Variants in BRINP3 observed in about 807,000 individuals in gnomAD.
BRINP3 encodes the protein BMP/retinoic acid inducible neural specific 3, also known as BMP/retinoic acid-inducible neural-specific protein 3.
A neutral mutation model predicts 71.0 loss-of-function variants in BRINP3; 19 were observed. That is an observed-to-expected ratio of 0.27 (90% CI 0.19 to 0.39). BRINP3 has a LOEUF of 0.39. BRINP3 is among the 10% of genes least tolerant of loss of function. The pLI is 1.00. For synonymous variants in BRINP3, 380 were observed against 337.7 expected, an observed-to-expected ratio of 1.13 and a Z score of -1.37; for missense variants, 959 against 940.8, an observed-to-expected ratio of 1.02 and a Z score of -0.25.
chr1:190,299,607 C>G (rs1283363723), intron 2 of BRINP3, among the ~76,000 whole-genome samples: 1 of 132,234 alleles, frequency 7.6e-6, no homozygotes. Flanking sequence ...CAACAGTCCC[C>G]AGAGTGTGAT....
At chr1:190,274,560 AC>A (rs1200824282) in intron 3 of BRINP3, among the ~76,000 whole-genome samples, 1 of 151,702 alleles carries the variant, frequency 6.6e-6, no homozygotes, top group Admixed American at 6.6e-5. Context: ...TGTAGGTTTT[AC>A]TTTTGATGTA....
chr1:190,448,056 T>A (rs1428190510), intron 2 of BRINP3, among the ~76,000 whole-genome samples: 1 of 151,758 alleles, frequency 6.6e-6, no homozygotes, highest in African/African-American at 2.4e-5. Flanking sequence ...TTTATGTTTT[T>A]AAATTTTTAT....
chr1:190,148,469 G>A (rs369683848), intron 7 of BRINP3, among the ~76,000 whole-genome samples: 2 of 151,778 alleles, frequency 1.3e-5, no homozygotes, highest in African/African-American at 2.4e-5. Context: ...GGTGGCGGGC[G>A]CCTGTAGTCC....
chr1:190,247,108 G>A (rs1659683248), intron 4 of BRINP3, among the ~76,000 whole-genome samples: 1 of 151,564 alleles, frequency 6.6e-6, no homozygotes, highest in Non-Finnish European at 1.5e-5. Flanking sequence ...TAATCCTATT[G>A]TTATGCTAAA....
intron 7 of BRINP3, among the ~76,000 whole-genome samples, chr1:190,107,957 C>T (rs1418059453): frequency 4.0e-5 from 6 of 151,658 alleles, no homozygotes; most frequent in African/African-American, 1.2e-4. Flanking sequence ...ACAATATGGC[C>T]TTCTAGACTC....
chr1:190,353,503 A>G (rs546930227), intron 2 of BRINP3, among the ~76,000 whole-genome samples: 18 of 152,066 alleles, frequency 1.2e-4, no homozygotes, highest in Non-Finnish European at 2.1e-4. Context: ...TTGAGGACTT[A>G]GTTAAAATTA....
chr1:190,244,476 T>C (rs1381992720), intron 4 of BRINP3, among the ~76,000 whole-genome samples: 1 of 152,096 alleles, frequency 6.6e-6, no homozygotes, highest in Non-Finnish European at 1.5e-5. Flanking sequence ...AATTATCTGT[T>C]TTGCTTTCTT....
At chr1:190,292,492 A>C (rs899073224) in intron 2 of BRINP3, among the ~76,000 whole-genome samples, 2 of 152,068 alleles carry the variant, frequency 1.3e-5, no homozygotes, top group Non-Finnish European at 2.9e-5. Context: ...CTACAAAAAA[A>C]TAAAAAATAG....
At chr1:190,311,928 T>G (rs947480087) in intron 2 of BRINP3, among the ~76,000 whole-genome samples, 1 of 149,630 alleles carries the variant, frequency 6.7e-6, no homozygotes, top group Non-Finnish European at 1.5e-5. Context: ...AGAGGCATGT[T>G]GATCATATTA....
chr1:190,224,675 T>A (rs1274094860), intron 6 of BRINP3, among the ~76,000 whole-genome samples: 1 of 151,756 alleles, frequency 6.6e-6, no homozygotes, highest in African/African-American at 2.4e-5. Flanking sequence ...CAGTAAACAA[T>A]CAGCAAAGTG....
intron 6 of BRINP3, among the ~76,000 whole-genome samples, chr1:190,179,732 G>C (rs1246866464): frequency 6.6e-6 from 1 of 152,082 alleles, no homozygotes; most frequent in East Asian, 1.9e-4. Flanking sequence ...TCTGCTGTGG[G>C]AAATAGTTAG....
intron 1 of BRINP3, among the ~76,000 whole-genome samples, chr1:190,458,510 A>C (rs906804828): frequency 2.6e-5 from 4 of 152,076 alleles, no homozygotes; most frequent in Non-Finnish European, 1.5e-5. Context: ...GTTTGTCACA[A>C]AAGTAGATCA....
chr1:190,380,159 TATG>T (rs1281631580), intron 2 of BRINP3, among the ~76,000 whole-genome samples: 1 of 152,074 alleles, frequency 6.6e-6, no homozygotes, highest in African/African-American at 2.4e-5. Flanking sequence ...CCAGGTCAAA[TATG>T]ATGATATCTT....
rs531353032 is a variant in BRINP3 at position 190,390,850 on chromosome 1, A to C, written c.236+63805T>G. ...GGAGTCCTACAGTCTCAGTGCAAAA[A>C]GACTTGGCAGTTAGGGTCAGACTGG... On this transcript the variant is annotated intron_variant, in intron 2 of 7. Transcript: ENST00000367462. 8.6e-5 allele frequency among the ~76,000 whole-genome samples: 13 copies of C among 151,970 alleles called. No homozygotes were observed. The East Asian group carries it at 2.5e-3, about 29-fold the overall frequency.
intron 2 of BRINP3, among the ~76,000 whole-genome samples, chr1:190,431,546 G>T (rs1484308969): frequency 6.6e-6 from 1 of 151,856 alleles, no homozygotes; most frequent in African/African-American, 2.4e-5. Flanking sequence ...TAGTAGAGAT[G>T]GGGTTTTACT....
intron 2 of BRINP3, among the ~76,000 whole-genome samples, chr1:190,294,298 G>A (rs949026059): frequency 3.4e-5 from 5 of 148,196 alleles, no homozygotes; most frequent in African/African-American, 1.2e-4. Flanking sequence ...TCACTCTGTT[G>A]CCTAGACTAG....
chr1:190,343,535 TA>T (rs1020022273), intron 2 of BRINP3, among the ~76,000 whole-genome samples: 2 of 151,766 alleles, frequency 1.3e-5, no homozygotes, highest in African/African-American at 4.8e-5. Flanking sequence ...GGATGACATA[TA>T]AATTAAGTGC....
intron 2 of BRINP3, among the ~76,000 whole-genome samples, chr1:190,317,051 A>C (rs1001471343): frequency 6.6e-6 from 1 of 151,624 alleles, no homozygotes; most frequent in Non-Finnish European, 1.5e-5. Flanking sequence ...GGGTGCCTAT[A>C]ATCCCAGCTA....
At chr1:190,387,653 C>A (rs530253444) in intron 2 of BRINP3, among the ~76,000 whole-genome samples, 1 of 151,692 alleles carries the variant, frequency 6.6e-6, no homozygotes, top group Non-Finnish European at 1.5e-5. Context: ...TCTATTTTTC[C>A]GGTTGCTTTT....
Sources: allele counts gnomAD v4.1 joint callset (sites outside exome capture counted in the v4.1 genomes callset), GRCh38; gene constraint gnomAD v4.1.1; transcripts MANE v1.5; gene names NCBI Gene and HGNC (gene_info 2026-07-23, HGNC 2026-07-21).